Variants in HECW2 observed in about 807,000 individuals in gnomAD.
The protein encoded by HECW2 is E3 ubiquitin-protein ligase HECW2.
A neutral mutation model predicts 175.2 loss-of-function variants in HECW2; 61 were observed. The observed-to-expected ratio is 0.35, with a 90% CI of 0.28 to 0.43. HECW2 has a LOEUF of 0.43. Ranked by LOEUF, HECW2 falls within the 20% of genes least tolerant of loss-of-function variation. HECW2 has a pLI of 1.00. For synonymous variants in HECW2, 671 were observed against 731.0 expected, an observed-to-expected ratio of 0.92 and a Z score of 1.32; for missense variants, 1,524 against 2,000.5, an observed-to-expected ratio of 0.76 and a Z score of 4.54.
chr2:196,256,924 T>C (rs1189550443), intron 18 of HECW2, among the ~76,000 whole-genome samples: 3 of 152,272 alleles, frequency 2.0e-5, no homozygotes, highest in Non-Finnish European at 4.4e-5. Context: ...AAAAATAATT[T>C]TCTGACAACA....
chr2:196,321,143 T>C (rs1691925445), intron 7 of HECW2, among the ~76,000 whole-genome samples: 1 of 152,170 alleles, frequency 6.6e-6, no homozygotes, highest in African/African-American at 2.4e-5. Flanking sequence ...GGGTGCCTTG[T>C]AAGCAGTGCT....
rs193261288 is a variant in HECW2 at position 196,214,350 on chromosome 2, T to G, written c.4607+1515A>C. On this transcript the variant is annotated intron_variant, in intron 28 of 28. Coordinates refer to ENST00000644978, the MANE Select transcript of HECW2 (RefSeq NM_001348768.2). ...AAATATGAACAGTGGACATATCTGC[T>G]TACTGTTGCACTTTATTCCATATAC... Among the ~76,000 whole-genome samples the G allele has an allele frequency of 5.9e-4, 90 of 152,346 alleles. 3 individuals are homozygous for G. The highest frequency in any genetic ancestry group is 5.9e-3 in the Admixed American group (90 of 15,300).
chr2:196,513,748 G>A (rs560490567), intron 1 of HECW2, among the ~76,000 whole-genome samples: 4 of 152,222 alleles, frequency 2.6e-5, no homozygotes, highest in Non-Finnish European at 4.4e-5. Context: ...GAGACAGAGC[G>A]GATAAAAGGG....
intron 2 of HECW2, among the ~76,000 whole-genome samples, chr2:196,356,877 C>A (rs766104830): frequency 6.6e-6 from 1 of 152,144 alleles, no homozygotes; most frequent in Non-Finnish European, 1.5e-5. Context: ...TCAGCACTAT[C>A]TGCAGGTTCA....
chr2:196,507,306 T>G (rs552055519), intron 1 of HECW2, among the ~76,000 whole-genome samples: 15 of 151,786 alleles, frequency 9.9e-5, no homozygotes, highest in African/African-American at 3.4e-4. Context: ...AGGTAAGTAA[T>G]ACCCAACATA....
chr2:196,241,451 C>G (rs1688450984), intron 20 of HECW2, among the ~76,000 whole-genome samples: 1 of 152,084 alleles, frequency 6.6e-6, no homozygotes, highest in Non-Finnish European at 1.5e-5. Flanking sequence ...CAGGGGTGCT[C>G]CAGTGGAGAC....
chr2:196,257,607 G>T (rs999960081), intron 18 of HECW2: 5 of 559,756 alleles, frequency 8.9e-6, no homozygotes, highest in African/African-American at 5.7e-5. Context: ...TTGCCAGCAG[G>T]GTGAAAACAA....
At chr2:196,532,133 T>C (rs894007383) in intron 1 of HECW2, among the ~76,000 whole-genome samples, 1 of 152,208 alleles carries the variant, frequency 6.6e-6, no homozygotes, top group Non-Finnish European at 1.5e-5. Flanking sequence ...ACTGGGTATA[T>C]ACCCAAAGGA....
chr2:196,426,860 A>G (rs564724714), intron 2 of HECW2, among the ~76,000 whole-genome samples: 38 of 152,300 alleles, frequency 2.5e-4, no homozygotes, highest in Non-Finnish European at 4.3e-4. Context: ...ACATGATGAT[A>G]ATGCTTTGGT....
chr2:196,315,598 T>C (rs1691664762), intron 10 of HECW2, among the ~76,000 whole-genome samples: 1 of 152,206 alleles, frequency 6.6e-6, no homozygotes, highest in African/African-American at 2.4e-5. Context: ...GTCACTAAGT[T>C]GCCTTTACTT....
intron 19 of HECW2, among the ~76,000 whole-genome samples, chr2:196,252,383 C>T (rs940162609): frequency 1.3e-5 from 2 of 151,978 alleles, no homozygotes; most frequent in African/African-American, 4.8e-5. Flanking sequence ...TTTGTTCCCT[C>T]TAAATCTCAT....
chr2:196,379,851 A>G (rs1316351850), intron 2 of HECW2, among the ~76,000 whole-genome samples: 1 of 151,516 alleles, frequency 6.6e-6, no homozygotes, highest in Non-Finnish European at 1.5e-5. Context: ...TGCAAGAGCC[A>G]TAAATTTATG....
At position 196,318,558 on chromosome 2, in the gene HECW2, T is replaced by C; in HGVS notation, c.2332A>G (p.Thr778Ala). ...AGTGGTGTCCATATCCTACCTCCAG[T>C]AGCGCCCTCCTCCTGGGCAGTTGCC... is the stretch of plus-strand genomic sequence containing the variant. ...EGATAQEEGATGGSQANGHQP... is the reference protein window; with the variant it reads ...EGATAQEEGAAGGSQANGHQP... Residue 778 changes from threonine to alanine, a missense_variant, in exon 9 of 29, where the codon ACT becomes GCT. By Grantham distance (58) the Thr-to-Ala change is moderately conservative (BLOSUM62 0). This residue lies in a region of HECW2 where 604 missense variants were observed against 588.3 expected (regional missense o/e 1.03). Transcript: ENST00000644978. 1 of 1,509,564 alleles carries C rather than the reference T, an allele frequency of 6.6e-7. No individual in the cohort carries two copies. The highest frequency in any genetic ancestry group is 8.9e-7 in the Non-Finnish European group (1 of 1,128,570). The allele number at this position is 1,509,564 out of a possible 1,614,324, so 93.5% of individuals were successfully genotyped here.
intron 2 of HECW2, among the ~76,000 whole-genome samples, chr2:196,382,000 T>C (rs1694218966): frequency 6.6e-6 from 1 of 152,196 alleles, no homozygotes; most frequent in African/African-American, 2.4e-5. Flanking sequence ...TAAATTATGT[T>C]ACATCTCAAC....
At chr2:196,310,100 A>C (rs1691431371) in intron 10 of HECW2, among the ~76,000 whole-genome samples, 4 of 152,224 alleles carry the variant, frequency 2.6e-5, no homozygotes, top group Admixed American at 2.6e-4. Context: ...TAATAAATGA[A>C]AAAATAATTT....
intron 1 of HECW2, among the ~76,000 whole-genome samples, chr2:196,521,872 C>T (rs1688406476): frequency 6.7e-6 from 1 of 150,274 alleles, no homozygotes; most frequent in Admixed American, 6.6e-5. Context: ...TTTCTTAATC[C>T]AGTCTATCAT....
At chr2:196,343,070 TTG>T (rs36014519) in intron 3 of HECW2, among the ~76,000 whole-genome samples, 22 of 148,616 alleles carry the variant, frequency 1.5e-4, no homozygotes, top group South Asian at 6.3e-4. Context: ...ATGTGTATGT[TTG>T]TGTGTGTGTG....
chr2:196,411,547 T>G (rs1695110089), intron 2 of HECW2, among the ~76,000 whole-genome samples: 1 of 152,238 alleles, frequency 6.6e-6, no homozygotes, highest in African/African-American at 2.4e-5. Flanking sequence ...TAGGGCACTG[T>G]ACTTCTGTAA....
chr2:196,569,932 G>GT (rs1272285416), intron 1 of HECW2, among the ~76,000 whole-genome samples: 1 of 152,238 alleles, frequency 6.6e-6, no homozygotes, highest in African/African-American at 2.4e-5. Context: ...GGAAGCTGAG[G>GT]TAGGAGAATG....
Sources: allele counts gnomAD v4.1 joint callset (sites outside exome capture counted in the v4.1 genomes callset), GRCh38; gene constraint gnomAD v4.1.1; regional missense constraint gnomAD v4.1.1; transcripts MANE v1.5; gene names NCBI Gene and HGNC (gene_info 2026-07-23, HGNC 2026-07-21).